The following COL17A1 variants were observed in gnomAD, a reference collection of about 807,000 sequenced individuals.
COL17A1 encodes the protein collagen alpha-1(XVII) chain.
In COL17A1, 181 loss-of-function variants were observed where a neutral mutation model predicts 218.4. That is an observed-to-expected ratio of 0.83 (90% confidence interval 0.73 to 0.94). The LOEUF (loss-of-function observed/expected upper bound fraction) is 0.94, where lower values mean the gene tolerates loss of function less well. Among genes scored for constraint, COL17A1 ranks in the 40% least tolerant of loss-of-function variants. COL17A1 has a pLI of 0.00. For synonymous variants in COL17A1, 721 were observed against 731.0 expected, an observed-to-expected ratio of 0.99 and a Z score of 0.22; for missense variants, 1,924 against 1,945.9, an observed-to-expected ratio of 0.99 and a Z score of 0.21.
intron 16 of COL17A1, 74 bp downstream of exon 16, chr10:104,058,072 A>T: frequency 6.2e-7 from 1 of 1,602,554 alleles, no homozygotes; most frequent in Non-Finnish European, 8.5e-7. Context: ...CAGGCGAGGG[A>T]CCATCATCTG....
intron 2 of COL17A1, among the ~76,000 whole-genome samples, chr10:104,080,109 A>G (rs1335622663): frequency 6.6e-6 from 1 of 151,498 alleles, no homozygotes; most frequent in Non-Finnish European, 1.5e-5. Context: ...TTTTTTTTTT[A>G]TTGGAGATAT....
chr10:104,068,495 A>G (rs750817338), intron 9 of COL17A1, among the ~76,000 whole-genome samples: 1 of 152,242 alleles, frequency 6.6e-6, no homozygotes, highest in Non-Finnish European at 1.5e-5. Flanking sequence ...ATAATTGGTC[A>G]GCCCAAACCT....
In COL17A1 at chr10:104,064,515, G is replaced by C. The variant is rs868504753; in HGVS notation, c.689C>G (p.Ser230Cys). The part of the protein sequence containing the change: ...VWSSTLPAGS[S>C]MGTYHNNMTT... ...CATGTTGTTGTGATAGGTCCCCATGGAGGACCCCGCGGGCAGGGTGGAGGA... is the reference window on the plus strand; with the variant it reads ...CATGTTGTTGTGATAGGTCCCCATGCAGGACCCCGCGGGCAGGGTGGAGGA... The change falls in exon 10 of 56, where the codon TCC (serine) becomes TGC (cysteine). Residue 230 changes from serine to cysteine, a missense_variant. Ser to Cys is a moderately radical substitution (Grantham distance 112). Transcript: ENST00000648076. 1.2e-6 allele frequency: 2 copies of C among 1,614,054 alleles called. No individual in the cohort carries two copies. Among genetic ancestry groups the C allele is most frequent in the Non-Finnish European group, 1.7e-6 (2 of 1,180,040 alleles).
intron 18 of COL17A1, 92 bp downstream of exon 18, chr10:104,055,690 G>T: frequency 6.5e-7 from 1 of 1,531,816 alleles, no homozygotes. Context: ...TGGGCCGGAT[G>T]ATGGTGCTCA....
intron 3 of COL17A1, 66 bp downstream of exon 3, chr10:104,078,475 AG>A (rs796520786): frequency 3.1e-5 from 50 of 1,606,506 alleles, no homozygotes; most frequent in Non-Finnish European, 4.0e-5. Context: ...CCCATGGAAA[AG>A]GTTACAGGTG....
Position 104,035,534 on chromosome 10 carries a change from G to A in COL17A1, c.3448C>T (p.Pro1150Ser), listed in dbSNP as rs1381983524. ...SSGISIGLPG[P>S]PGPPGLPGTS... ...CCCGGCAAGCCAGGGGGCCCCGGGGGACCAGGAAGCCCAATGCTGATCCCA... is the reference window on the plus strand; with the variant it reads ...CCCGGCAAGCCAGGGGGCCCCGGGGAACCAGGAAGCCCAATGCTGATCCCA... Residue 1150 changes from proline (P) to serine (S), a missense_variant, in exon 49 of 56, where the codon CCC becomes TCC. Pro to Ser is a moderately conservative substitution (Grantham distance 74). Transcript: ENST00000648076. 6 of 1,613,950 alleles carry A rather than the reference G, an allele frequency of 3.7e-6. No homozygotes were observed. The highest frequency in any genetic ancestry group is 4.5e-5 in the East Asian group (2 of 44,880).
rs2134634289 is a variant in COL17A1 at position 104,063,967 on chromosome 10, C to T, written c.767-149G>A. 5 of 1,121,168 alleles carry T rather than the reference C, an allele frequency of 4.5e-6. No individual in the cohort carries two copies. In the East Asian group the frequency reaches 1.3e-4, roughly 29 times the overall value. The allele number at this position is 1,121,168 out of a possible 1,614,324, so 69.5% of individuals were successfully genotyped here. A position where few individuals can be genotyped will look rare whatever the true frequency, so the allele number is the denominator to read the frequency against. ...TGTTTTTAGGAAAAACAGGCTCTTGCCTTGCAGCAGAGAATGAAACACTAG... is the reference window on the plus strand; with the variant it reads ...TGTTTTTAGGAAAAACAGGCTCTTGTCTTGCAGCAGAGAATGAAACACTAG... On this transcript the variant is annotated intron_variant, in intron 10 of 55. Coordinates refer to ENST00000648076, the MANE Select transcript of COL17A1 (RefSeq NM_000494.4).
intron 48 of COL17A1, among the ~76,000 whole-genome samples, chr10:104,036,065 T>TG (rs1564671162): frequency 1.1e-4 from 3 of 28,554 alleles, no homozygotes; most frequent in Admixed American, 9.2e-4. Context: ...TGTATGGGAG[T>TG]ATGTGTATGG....
intron 29 of COL17A1, among the ~76,000 whole-genome samples, chr10:104,048,902 T>C (rs1246205106): frequency 6.6e-6 from 1 of 151,816 alleles, no homozygotes; most frequent in African/African-American, 2.4e-5. Flanking sequence ...AGTGGTGTAA[T>C]CATGGCTCAC....
chr10:104,054,241 G>A, intron 20 of COL17A1, 123 bp from the exon 21 acceptor site: 1 of 917,526 alleles, frequency 1.1e-6, no homozygotes, highest in East Asian at 2.6e-5. Context: ...CAGATGTCCA[G>A]TTACATTTGA....
At chr10:104,058,735 C>T (rs1042898650) in intron 15 of COL17A1, among the ~76,000 whole-genome samples, 2 of 152,076 alleles carry the variant, frequency 1.3e-5, no homozygotes, top group Non-Finnish European at 2.9e-5. Flanking sequence ...AGTTCGAGAC[C>T]AGCCTGGCCA....
chr10:104,071,581 C>G (rs1035006172), intron 8 of COL17A1, among the ~76,000 whole-genome samples: 1 of 152,196 alleles, frequency 6.6e-6, no homozygotes, highest in Admixed American at 6.5e-5. Context: ...TAATCTTAAA[C>G]TATCCCATTA....
At chr10:104,052,750 C>T (rs2086482799) in intron 23 of COL17A1, among the ~76,000 whole-genome samples, 1 of 152,178 alleles carries the variant, frequency 6.6e-6, no homozygotes, top group Admixed American at 6.5e-5. Context: ...CCTGACTCCT[C>T]ACCCTCACCA....
At position 104,041,555 on chromosome 10, in the gene COL17A1, A is replaced by G; in HGVS notation, c.2552-17T>C. ...TAAGAACTTCTATAGAGAGAAGAAA[A>G]TAGAAATGAGCAAAAGCTGTCACGA... On this transcript the variant is annotated splice_polypyrimidine_tract_variant and intron_variant, in intron 36 of 55. Transcript: ENST00000648076. The G allele has an allele frequency of 1.2e-6, 2 of 1,611,144 alleles. No individual in the cohort carries two copies. The highest frequency in any genetic ancestry group is 1.7e-6 in the Non-Finnish European group (2 of 1,177,524).
chr10:104,039,717 A>C, intron 41 of COL17A1, 77 bp from the exon 42 acceptor site: 7 of 1,602,388 alleles, frequency 4.4e-6, no homozygotes, highest in Non-Finnish European at 6.0e-6. Flanking sequence ...CCTCCCCAAG[A>C]TCCATGATTG....
In COL17A1 at chr10:104,053,078, G is replaced by A. The variant is rs2086486250; in HGVS notation, c.1892C>T (p.Pro631Leu). 3 of 1,614,022 alleles carry A rather than the reference G, an allele frequency of 1.9e-6. No homozygotes were observed. Among genetic ancestry groups the A allele is most frequent in the Non-Finnish European group, 2.5e-6 (3 of 1,180,020 alleles). Residue 631 changes from proline to leucine, a missense_variant, in exon 23 of 56, where the codon CCT (proline) becomes CTT (leucine). Pro to Leu is a moderately conservative substitution (Grantham distance 98, BLOSUM62 -3). Transcript: ENST00000648076. Reference sequence around the variant, plus strand: ...TCCAGGAGGCCCTGCCTCACCACGAGGTCCCATGGGGCCTTCTCGCCCTCT... The same window carrying A: ...TCCAGGAGGCCCTGCCTCACCACGAAGTCCCATGGGGCCTTCTCGCCCTCT... ...GQRGREGPMGPRGEAGPPGSG... is the reference protein window; with the variant it reads ...GQRGREGPMGLRGEAGPPGSG...
chr10:104,033,972 C>G lies in COL17A1; in HGVS notation c.4129G>C (p.Ala1377Pro). ...FAGDLDYNEL[A>P]VRVSESMQRQ... The stretch of plus-strand genomic sequence containing the variant: ...TGCATGCTCTCTGACACCCTCACAG[C>G]CAGCTCATTGTAATCCAGATCTCCA... Residue 1377 changes from alanine (A) to proline (P), a missense_variant, in exon 52 of 56, where the codon GCT becomes CCT. Coordinates refer to ENST00000648076, the MANE Select transcript of COL17A1 (RefSeq NM_000494.4). 3 of 1,614,180 alleles carry G rather than the reference C, an allele frequency of 1.9e-6. No individual in the cohort carries two copies. The highest frequency in any genetic ancestry group is 2.5e-6 in the Non-Finnish European group (3 of 1,180,028).
chr10:104,082,348 C>G (rs561569009), intron 1 of COL17A1, among the ~76,000 whole-genome samples: 2 of 152,208 alleles, frequency 1.3e-5, no homozygotes, highest in Admixed American at 6.5e-5. Context: ...TGCAAACCTA[C>G]GTGCAACTGG....
intron 32 of COL17A1, among the ~76,000 whole-genome samples, 159 bp from the exon 33 acceptor site, chr10:104,045,952 G>C (rs569228806): frequency 6.6e-6 from 1 of 152,312 alleles, no homozygotes; most frequent in South Asian, 2.1e-4. Context: ...GACAACCCCG[G>C]GGAGCCTCTT....
Sources: allele counts gnomAD v4.1 joint callset (sites outside exome capture counted in the v4.1 genomes callset), GRCh38; gene constraint gnomAD v4.1.1; transcripts MANE v1.5; gene names NCBI Gene and HGNC (gene_info 2026-07-23, HGNC 2026-07-21).